Variants in OLFM3 observed in about 807,000 individuals in gnomAD.
OLFM3 encodes noelin-3.
In OLFM3, 20 loss-of-function variants were observed where a neutral mutation model predicts 48.6. The ratio of observed to expected loss-of-function variants is 0.41; its 90% CI spans 0.29 to 0.60. The LOEUF is 0.60. Among genes scored for constraint, OLFM3 ranks in the 20% least tolerant of loss-of-function variants. OLFM3 has a pLI of 0.28. For synonymous variants in OLFM3, 222 were observed against 198.1 expected, an observed-to-expected ratio of 1.12 and a Z score of -1.01; for missense variants, 437 against 544.3, an observed-to-expected ratio of 0.80 and a Z score of 1.96.
intron 1 of OLFM3, among the ~76,000 whole-genome samples, chr1:101,987,674 C>T (rs1661286254): frequency 6.6e-6 from 1 of 152,058 alleles, no homozygotes; most frequent in African/African-American, 2.4e-5. Flanking sequence ...TACTGATTCT[C>T]TATTTGAAGA....
intron 1 of OLFM3, among the ~76,000 whole-genome samples, chr1:101,926,524 GTCT>G (rs1659275362): frequency 6.6e-6 from 1 of 152,182 alleles, no homozygotes; most frequent in South Asian, 2.1e-4. Flanking sequence ...CAATTAAACT[GTCT>G]TGTGACTTTG....
chr1:101,878,847 T>C (rs905542545), intron 1 of OLFM3, among the ~76,000 whole-genome samples: 3 of 151,962 alleles, frequency 2.0e-5, no homozygotes, highest in Non-Finnish European at 2.9e-5. Flanking sequence ...TATAGTTCAG[T>C]TGGCAGAGAG....
At chr1:101,913,399 C>G (rs1260289387) in intron 1 of OLFM3, among the ~76,000 whole-genome samples, 1 of 152,150 alleles carries the variant, frequency 6.6e-6, no homozygotes. Context: ...AGGAGTATTA[C>G]TATTACCAGT....
Position 101,996,813 on chromosome 1 carries a change from G to A in OLFM3, c.4C>T (p.Gln2Ter), listed in dbSNP as rs754712396. ...AGGTTGAGAAGGTTGGACGTCGCCT[G>A]CATTCTGATCTGGGTTTTTGCCCCT... M[Q>*]ATSNLLNLLL... is the part of the protein sequence containing the mutation. The change falls in exon 1 of 6, where the codon CAG becomes TAG. Residue 2 changes from glutamine (Q) to a stop codon, truncating the protein, a stop_gained. Transcript: ENST00000370103. LOFTEE classifies it high-confidence loss of function. 2.5e-6 allele frequency: 4 copies of A among 1,614,122 alleles called. No homozygotes were observed. The highest frequency in any genetic ancestry group is 3.4e-6 in the Non-Finnish European group (4 of 1,180,032).
intron 1 of OLFM3, among the ~76,000 whole-genome samples, chr1:101,885,207 A>T (rs1657700351): frequency 6.6e-6 from 1 of 152,038 alleles, no homozygotes; most frequent in Non-Finnish European, 1.5e-5. Context: ...AAGGGTTTTC[A>T]GATATAGATT....
At chr1:101,979,702 A>G (rs1339286011) in intron 1 of OLFM3, among the ~76,000 whole-genome samples, 1 of 152,180 alleles carries the variant, frequency 6.6e-6, no homozygotes, top group Non-Finnish European at 1.5e-5. Context: ...GCGGTACAGA[A>G]GGGAAATGTG....
chr1:101,948,157 G>A (rs1660016123), intron 1 of OLFM3, among the ~76,000 whole-genome samples: 1 of 151,942 alleles, frequency 6.6e-6, no homozygotes, highest in Admixed American at 6.6e-5. Context: ...TACAATTACT[G>A]ATAAAACAAA....
At chr1:101,836,773 C>CA (rs1382991964) in intron 2 of OLFM3, 106 bp downstream of exon 2, 1 of 1,208,388 alleles carries the variant, frequency 8.3e-7, no homozygotes, top group South Asian at 1.4e-5. Context: ...AGAAGGGGGA[C>CA]AAAAATCAAA....
chr1:101,810,936 T>C (rs556425354), intron 4 of OLFM3, among the ~76,000 whole-genome samples: 1 of 151,996 alleles, frequency 6.6e-6, no homozygotes, highest in South Asian at 2.1e-4. Flanking sequence ...GTATGAATGA[T>C]ATGCATTTTC....
At chr1:101,913,825 A>G (rs1284787720) in intron 1 of OLFM3, among the ~76,000 whole-genome samples, 3 of 152,164 alleles carry the variant, frequency 2.0e-5, no homozygotes, top group African/African-American at 7.2e-5. Context: ...ACAGAAATAC[A>G]ATGATTTAAA....
At chr1:101,910,332 A>G (rs10782859) in intron 1 of OLFM3, among the ~76,000 whole-genome samples, 71,731 of 151,640 alleles carry the variant, frequency 0.47, 17,341 homozygotes, top group East Asian at 0.59. Flanking sequence ...CGGGCGTGGT[A>G]GCGGGCGCCT....
intron 1 of OLFM3, among the ~76,000 whole-genome samples, chr1:101,861,701 G>C (rs962471807): frequency 1.3e-5 from 2 of 152,222 alleles, no homozygotes; most frequent in Non-Finnish European, 2.9e-5. Flanking sequence ...ATTGTGTTAA[G>C]AGCATGGGCT....
chr1:101,825,554 G>A (rs1654821669), intron 3 of OLFM3, among the ~76,000 whole-genome samples: 1 of 151,922 alleles, frequency 6.6e-6, no homozygotes, highest in Non-Finnish European at 1.5e-5. Flanking sequence ...TTCATTTTCT[G>A]GTAACATTTT....
At chr1:101,950,027 T>TAA (rs68119821) in intron 1 of OLFM3, among the ~76,000 whole-genome samples, 30 of 129,178 alleles carry the variant, frequency 2.3e-4, no homozygotes, top group African/African-American at 6.5e-4. Context: ...GACTCCGTCT[T>TAA]AAAAAAAAAA....
chr1:101,918,963 A>G (rs1485698841), intron 1 of OLFM3, among the ~76,000 whole-genome samples: 1 of 152,198 alleles, frequency 6.6e-6, no homozygotes, highest in African/African-American at 2.4e-5. Context: ...TCAGGTTTCA[A>G]AAGAAATAAG....
intron 4 of OLFM3, among the ~76,000 whole-genome samples, chr1:101,818,345 T>C (rs535258712): frequency 2.3e-4 from 35 of 152,096 alleles, no homozygotes; most frequent in Non-Finnish European, 3.7e-4. Flanking sequence ...TATGATAAAA[T>C]TTACCAATTA....
At chr1:101,843,232 G>A (rs1655815499) in intron 1 of OLFM3, among the ~76,000 whole-genome samples, 1 of 152,178 alleles carries the variant, frequency 6.6e-6, no homozygotes. Flanking sequence ...CAAAACAAAT[G>A]ACATGCCCAC....
intron 1 of OLFM3, among the ~76,000 whole-genome samples, chr1:101,879,762 A>G (rs1657444676): frequency 6.6e-6 from 1 of 151,880 alleles, no homozygotes; most frequent in African/African-American, 2.4e-5. Flanking sequence ...AAGTGATGCA[A>G]GGTTTACTTG....
chr1:101,922,590 T>C (rs1659131304), intron 1 of OLFM3, among the ~76,000 whole-genome samples: 2 of 152,182 alleles, frequency 1.3e-5, no homozygotes. Context: ...TCATCCTTCC[T>C]ATGGATTAAG....
Sources: gnomAD v4.1 joint callset for allele counts (sites outside exome capture counted in the v4.1 genomes callset) on GRCh38, gnomAD v4.1.1 for gene constraint, MANE v1.5 for transcripts, NCBI Gene and HGNC (gene_info 2026-07-23, HGNC 2026-07-21) for gene names.